The following POLI variants were observed in gnomAD, a reference collection of about 807,000 sequenced individuals.
POLI encodes DNA polymerase iota.
POLI carries 58 observed loss-of-function variants against 51.6 expected under a neutral mutation model. The ratio of observed to expected loss-of-function variants is 1.12; its 90% CI spans 0.91 to 1.40. POLI has a LOEUF of 1.40. Ranked by LOEUF, POLI falls within the 40% of genes most tolerant of loss-of-function variation. The probability of loss-of-function intolerance (pLI) is 0.00; values close to 1 mark genes in which losing one functional copy is unlikely to be tolerated. For synonymous variants in POLI, 322 were observed against 299.7 expected (o/e 1.07, Z -0.77); for missense variants, 921 against 871.3 (o/e 1.06, Z -0.72).
intron 4 of POLI, 22 bp downstream of exon 4, chr18:54,277,877 C>G (rs1364548340): frequency 6.4e-7 from 1 of 1,558,640 alleles, no homozygotes; most frequent in Admixed American, 1.8e-5. Flanking sequence ...CTTATTCATT[C>G]TACCTACTAA....
At chr18:54,291,504 A>G (rs895764845) in intron 8 of POLI, 2 of 187,508 alleles carry the variant, frequency 1.1e-5, no homozygotes, top group Admixed American at 1.2e-4. Flanking sequence ...GCAGCTGTTC[A>G]TAGATCAGTA....
In POLI at chr18:54,292,047, A is replaced by C. The variant is rs1298860604; in HGVS notation, c.1404+9A>C. The C allele has an allele frequency of 1.9e-6, 3 of 1,550,524 alleles. No individual in the cohort carries two copies. Among genetic ancestry groups the C allele is most frequent in the South Asian group, 2.3e-5 (2 of 88,246 alleles). The stretch of plus-strand genomic sequence containing the variant: ...CTGGCAAGCACAGTTTTGTAAGTAC[A>C]CTCTTTTTTGTTCAGTTTTCTAAGT... On this transcript the variant is annotated intron_variant, in intron 9 of 9. Coordinates refer to ENST00000579534, the MANE Select transcript of POLI (RefSeq NM_007195.3).
intron 3 of POLI, among the ~76,000 whole-genome samples, chr18:54,314,628 T>G (rs1177379797): frequency 6.6e-6 from 1 of 151,986 alleles, no homozygotes; most frequent in Non-Finnish European, 1.5e-5. Flanking sequence ...AAATTATTAC[T>G]GACTCAATTT....
rs781766024 is a variant in POLI, at chr18:54,269,669, G to T, written c.115+8G>T. The stretch of plus-strand genomic sequence containing the variant: ...CGGCAGCCAGCTCGCAGGGTGCGCC[G>T]CAGCCAGAGGAGCCAGCGGCCTCCT... On this transcript the variant is annotated splice_region_variant and intron_variant, in intron 1 of 9. Coordinates refer to ENST00000579534, the MANE Select transcript of POLI (RefSeq NM_007195.3). The T allele has an allele frequency of 4.6e-5, 69 of 1,501,644 alleles. No individual in the cohort carries two copies. Among genetic ancestry groups the T allele is most frequent in the South Asian group, 1.1e-4 (9 of 81,136 alleles). The allele number at this position is 1,501,644 out of a possible 1,614,324, so 93.0% of individuals were successfully genotyped here. A position where few individuals can be genotyped will look rare whatever the true frequency, so the allele number is the denominator to read the frequency against.
At chr18:54,302,234 A>G (rs1300336579), downstream of POLI, among the ~76,000 whole-genome samples, 1 of 152,202 alleles carries the variant, frequency 6.6e-6, no homozygotes, top group Non-Finnish European at 1.5e-5. Flanking sequence ...GCTGTGTTAT[A>G]GGAACAATGT....
intron 4 of POLI, 131 bp downstream of exon 4, chr18:54,277,986 T>A (rs2087326857): frequency 3.0e-6 from 2 of 677,556 alleles, no homozygotes; most frequent in Non-Finnish European, 4.9e-6. Flanking sequence ...TAGTCAGTAA[T>A]CTGTCTAGGA....
Position 54,269,763 on chromosome 18 carries a change from C to T in POLI, c.115+102C>T, listed in dbSNP as rs1599143123. The T allele has an allele frequency of 3.6e-6, 5 of 1,394,784 alleles. No individual in the cohort carries two copies. The East Asian group carries it at 9.0e-5, about 25-fold the overall frequency. 86.4% of individuals were successfully genotyped at this position (1,394,784 alleles called of 1,614,324 possible). A position where few individuals can be genotyped will look rare whatever the true frequency, so the allele number is the denominator to read the frequency against. On this transcript the variant is annotated intron_variant, in intron 1 of 9. Transcript: ENST00000579534. ...GCGGCCACTGGGGCGCGACCGTCCC[C>T]GCCCCACTCGGCTCCTCTAAGAGAG...
At chr18:54,287,495 T>C (rs1047653342) in intron 8 of POLI, 84 bp downstream of exon 8, 4 of 985,038 alleles carry the variant, frequency 4.1e-6, no homozygotes, top group Non-Finnish European at 4.7e-6. Context: ...GCTCCAAAAA[T>C]GGAGGGTCTT....
In POLI at chr18:54,298,084, T is replaced by G; in HGVS notation, c.*3617T>G. ...CATTATGAATCTGCAGATTTGTGTC[T>G]TCCATCAAATCTGGATTGTTTTCAA... is the stretch of plus-strand genomic sequence containing the variant. On this transcript the variant is annotated 3_prime_UTR_variant, in exon 10 of 10. Transcript: ENST00000579534. 3.1e-6 allele frequency: 3 copies of G among 961,336 alleles called. No homozygotes were observed. The highest frequency in any genetic ancestry group is 3.7e-6 in the Non-Finnish European group (3 of 807,988). The allele number at this position is 961,336 out of a possible 1,614,324, so 59.6% of individuals were successfully genotyped here. A position where few individuals can be genotyped will look rare whatever the true frequency, so the allele number is the denominator to read the frequency against.
rs756776021 is a variant in POLI at position 54,274,065 on chromosome 18, C to T, written c.381C>T (p.Tyr127=). The T allele has an allele frequency of 2.0e-6, 3 of 1,494,680 alleles. No individual in the cohort carries two copies. The East Asian group carries it at 7.5e-5, about 37-fold the overall frequency. 92.6% of individuals were successfully genotyped at this position (1,494,680 alleles called of 1,614,324 possible). The part of the protein sequence containing the change: ...VLVNGEDLTR[Y]REMSYKVTEL... ...TTAATGGAGAAGACCTGACCCGCTACAGAGAAATGTCTTATAAGGTTACAG... is the reference window on the plus strand; with the variant it reads ...TTAATGGAGAAGACCTGACCCGCTATAGAGAAATGTCTTATAAGGTTACAG... The change falls in exon 3 of 10, where the codon TAC becomes TAT. Residue 127 remains tyrosine, a synonymous_variant. Transcript: ENST00000579534.
chr18:54,287,305 T>G lies in POLI; in HGVS notation c.1092T>G (p.Pro364=), dbSNP rs1313851427. ...LNRVCQDGRK[P]HTVRLIIRRY... ...GAGTATGCCAAGATGGAAGGAAGCCTCATACAGTGAGATTAATAATCCGTC... is the reference window on the plus strand; with the variant it reads ...GAGTATGCCAAGATGGAAGGAAGCCGCATACAGTGAGATTAATAATCCGTC... The change falls in exon 8 of 10, where the codon CCT becomes CCG. Residue 364 remains proline (P), a synonymous_variant. Transcript: ENST00000579534. 1 of 1,582,246 alleles carries G rather than the reference T, an allele frequency of 6.3e-7. No individual in the cohort carries two copies. The highest frequency in any genetic ancestry group is 1.3e-5 in the African/African-American group (1 of 74,324).
In POLI at chr18:54,297,555, C is replaced by CT; in HGVS notation, c.*3090dup. ...TTTATTTGGATTTATTTTTTGCCAT[C>CT]TTATTTTTTAATATATTTCTTTTTC... On this transcript the variant is annotated 3_prime_UTR_variant, in exon 10 of 10. Transcript: ENST00000579534. 1.0e-6 allele frequency: 1 copy of CT among 976,550 alleles called. No individual in the cohort carries two copies. Among genetic ancestry groups the CT allele is most frequent in the African/African-American group, 1.7e-5 (1 of 57,152 alleles). The allele number at this position is 976,550 out of a possible 1,614,324, so 60.5% of individuals were successfully genotyped here. A position where few individuals can be genotyped will look rare whatever the true frequency, so the allele number is the denominator to read the frequency against.
chr18:54,286,648 A>G (rs888066308), intron 7 of POLI, among the ~76,000 whole-genome samples: 1 of 152,082 alleles, frequency 6.6e-6, no homozygotes, highest in Admixed American at 6.5e-5. Flanking sequence ...GCTGATTTTA[A>G]TTTGTTGCCT....
intron 3 of POLI, among the ~76,000 whole-genome samples, chr18:54,309,130 C>T (rs760606890): frequency 6.6e-6 from 1 of 152,266 alleles, no homozygotes. Flanking sequence ...CCATTGCTGG[C>T]AAGGAGCTGT....
chr18:54,291,873 G>T lies in POLI; in HGVS notation c.1239G>T (p.Met413Ile). The T allele has an allele frequency of 6.2e-7, 1 of 1,605,830 alleles. No individual in the cohort carries two copies. Among genetic ancestry groups the T allele is most frequent in the Non-Finnish European group, 8.5e-7 (1 of 1,173,388 alleles). ...DVMTPMVDIL[M>I]KLFRNMVNVK... is the part of the protein sequence containing the mutation. Reference sequence around the variant, plus strand: ...TGACCCCAATGGTTGATATACTTATGAAACTTTTTCGAAATATGGTGAATG... The same window carrying T: ...TGACCCCAATGGTTGATATACTTATTAAACTTTTTCGAAATATGGTGAATG... Residue 413 changes from methionine (M) to isoleucine (I), a missense_variant, in exon 9 of 10, where the codon ATG (methionine) becomes ATT (isoleucine). Coordinates refer to ENST00000579534, the MANE Select transcript of POLI (RefSeq NM_007195.3).
At chr18:54,305,147 C>T (rs2088560277) in intron 3 of POLI, among the ~76,000 whole-genome samples, 2 of 152,162 alleles carry the variant, frequency 1.3e-5, no homozygotes, top group African/African-American at 2.4e-5. Context: ...CAGTACCATG[C>T]TGTTTTGGTT....
At chr18:54,300,300 C>T (rs529001808), downstream of POLI, among the ~76,000 whole-genome samples, 1 of 151,640 alleles carries the variant, frequency 6.6e-6, no homozygotes, top group South Asian at 2.1e-4. Flanking sequence ...AGTACAAAGG[C>T]CAGGAGGGGA....
At chr18:54,288,102 G>C (rs1403649165) in intron 8 of POLI, among the ~76,000 whole-genome samples, 1 of 152,128 alleles carries the variant, frequency 6.6e-6, no homozygotes, top group Admixed American at 6.5e-5. Context: ...TGTTTAAGAA[G>C]CTGCCAACTT....
At position 54,273,916 on chromosome 18, in the gene POLI, T is replaced by C. The variant is rs767748184; in HGVS notation, c.242-10T>C. Reference sequence around the variant, plus strand: ...TTGTGCTTGGGTTTCTCATAAAATATTTTTTACAGGGGTTCAACAGAAATA... The same window carrying C: ...TTGTGCTTGGGTTTCTCATAAAATACTTTTTACAGGGGTTCAACAGAAATA... On this transcript the variant is annotated splice_polypyrimidine_tract_variant and intron_variant, in intron 2 of 9. Transcript: ENST00000579534. The C allele has an allele frequency of 2.4e-5, 35 of 1,475,784 alleles. No individual in the cohort carries two copies. Among genetic ancestry groups the C allele is most frequent in the Admixed American group, 7.3e-5 (3 of 40,824 alleles). 91.4% of individuals were successfully genotyped at this position (1,475,784 alleles called of 1,614,324 possible).
Sources: allele counts gnomAD v4.1 joint callset (sites outside exome capture counted in the v4.1 genomes callset), GRCh38; gene constraint gnomAD v4.1.1; transcripts MANE v1.5; gene names NCBI Gene and HGNC (gene_info 2026-07-23, HGNC 2026-07-21).